Variants in MYH9 observed in about 807,000 individuals in gnomAD.
The protein encoded by MYH9 is myosin-9.
MYH9 carries 29 observed loss-of-function variants against 241.9 expected under a neutral mutation model. That is an observed-to-expected ratio of 0.12 (90% CI 0.09 to 0.16). MYH9 has a LOEUF of 0.16. Among genes scored for constraint, MYH9 ranks in the 10% least tolerant of loss-of-function variants. The probability of loss-of-function intolerance (pLI) is 1.00; values close to 1 mark genes in which losing one functional copy is unlikely to be tolerated. For synonymous variants in MYH9, 1,047 were observed against 1,062.6 expected, an observed-to-expected ratio of 0.99 and a Z score of 0.29; for missense variants, 1,803 against 2,595.5, an observed-to-expected ratio of 0.69 and a Z score of 6.63.
chr22:36,289,282 TCTC>T lies in MYH9; in HGVS notation c.4357_4359del (p.Glu1453del). ...TCTGCATACTTGGCAGAGATGGTCT[TCTC>T]CTCCGCCAGGAGCTGGGAAAGAGGT... On this transcript the variant is annotated inframe_deletion, in exon 32 of 41. Transcript: ENST00000216181. 1 of 1,611,294 alleles carries T rather than the reference TCTC, an allele frequency of 6.2e-7. No homozygotes were observed. Among genetic ancestry groups the T allele is most frequent in the East Asian group, 2.2e-5 (1 of 44,826 alleles).
chr22:36,352,184 C>G (rs534758050), intron 1 of MYH9, among the ~76,000 whole-genome samples: 3 of 152,158 alleles, frequency 2.0e-5, no homozygotes, highest in Non-Finnish European at 4.4e-5. Context: ...ACTGTCCCCA[C>G]GAGCTGAGTG....
chr22:36,293,440 G>A lies in MYH9; in HGVS notation c.3984C>T (p.Ser1328=), dbSNP rs1468484114. Reference sequence around the variant, plus strand: ...CGTCCTCCACCTGCTTGAGCTTGGTGCTCAGGCTCAGCTTCTGCCGGTTCT... The same window carrying A: ...CGTCCTCCACCTGCTTGAGCTTGGTACTCAGGCTCAGCTTCTGCCGGTTCT... ...QEENRQKLSL[S]TKLKQVEDEK... Residue 1328 remains serine (S), a synonymous_variant, in exon 30 of 41, where the codon AGC becomes AGT. Transcript: ENST00000216181. This position sits in a 1 kb window ranked among gnomAD's most constrained non-coding sequence, Gnocchi z 5.1. 1 of 1,613,794 alleles carries A rather than the reference G, an allele frequency of 6.2e-7. No individual in the cohort carries two copies. The highest frequency in any genetic ancestry group is 2.2e-5 in the East Asian group (1 of 44,878).
At chr22:36,361,283 A>G (rs75105346) in intron 1 of MYH9, among the ~76,000 whole-genome samples, 7,240 of 151,220 alleles carry the variant, frequency 0.048, 236 homozygotes, top group East Asian at 0.1. Context: ...AGAAAACCAG[A>G]GAGGAACTTA....
At chr22:36,343,418 T>C (rs1306177117) in intron 2 of MYH9, among the ~76,000 whole-genome samples, 4 of 152,046 alleles carry the variant, frequency 2.6e-5, no homozygotes, top group Non-Finnish European at 4.4e-5. Flanking sequence ...TGTGGTGGCA[T>C]GCACCTGTAG....
At position 36,316,582 on chromosome 22, in the gene MYH9, T is replaced by C; in HGVS notation, c.1315A>G (p.Lys439Glu). The C allele has an allele frequency of 6.2e-7, 1 of 1,614,116 alleles. No individual in the cohort carries two copies. The highest frequency in any genetic ancestry group is 8.5e-7 in the Non-Finnish European group (1 of 1,180,026). Residue 439 changes from lysine to glutamate, a missense_variant, in exon 12 of 41, where the codon AAG becomes GAG. By Grantham distance (56) the Lys-to-Glu change is moderately conservative. This residue lies in a region of MYH9 where 222 missense variants were observed against 359.9 expected (regional missense o/e 0.62). Transcript: ENST00000216181. ...AAGGAGGCGCCCTGCCTCTTGGTCTTGTCCAGAGCCTTGTTGATGCGCAGC... is the reference window on the plus strand; with the variant it reads ...AAGGAGGCGCCCTGCCTCTTGGTCTCGTCCAGAGCCTTGTTGATGCGCAGC... The part of the protein sequence containing the change: ...LVLRINKALD[K>E]TKRQGASFIG...
At chr22:36,302,836 T>C (rs1250082107) in intron 19 of MYH9, among the ~76,000 whole-genome samples, 160 bp from the exon 20 acceptor site, 1 of 152,192 alleles carries the variant, frequency 6.6e-6, no homozygotes, top group African/African-American at 2.4e-5. Context: ...TGAGATAAGT[T>C]TCTCCCACTT....
rs576879237 is a variant in MYH9, at chr22:36,305,554, C to T, written c.2159+376G>A. ...AGAAACAGGAAGGTGTCGCCGTCTT[C>T]GCACACAGCAACGCACGGCCGTGTT... is the stretch of plus-strand genomic sequence containing the variant. On this transcript the variant is annotated intron_variant, in intron 17 of 40. Coordinates refer to ENST00000216181, the MANE Select transcript of MYH9 (RefSeq NM_002473.6). This position sits in a 1 kb window ranked among gnomAD's most constrained non-coding sequence, Gnocchi z 4.7. 1.5e-3 allele frequency among the ~76,000 whole-genome samples: 229 copies of T among 152,308 alleles called. No individual in the cohort carries two copies. Among genetic ancestry groups the T allele is most frequent in the Middle Eastern group, 3.4e-3 (1 of 294 alleles).
chr22:36,360,569 C>T (rs868023963), intron 1 of MYH9, among the ~76,000 whole-genome samples: 2 of 151,726 alleles, frequency 1.3e-5, no homozygotes, highest in South Asian at 2.1e-4. Context: ...AAAAATTAGC[C>T]GGGCATGGTG....
At chr22:36,322,099 G>C (rs369013397) in intron 6 of MYH9, among the ~76,000 whole-genome samples, 17 of 152,254 alleles carry the variant, frequency 1.1e-4, no homozygotes, top group Non-Finnish European at 2.1e-4. Context: ...CAGTTATGTG[G>C]AAGTGTTCCT....
Position 36,285,496 on chromosome 22 carries a change from A to C in MYH9, c.5274+162T>G, listed in dbSNP as rs947815962. Among the ~76,000 whole-genome samples, 2 of 152,234 alleles carry C rather than the reference A, an allele frequency of 1.3e-5. No homozygotes were observed. The highest frequency in any genetic ancestry group is 2.4e-5 in the African/African-American group (1 of 41,472). On this transcript the variant is annotated intron_variant, in intron 37 of 40. Coordinates refer to ENST00000216181, the MANE Select transcript of MYH9 (RefSeq NM_002473.6). The surrounding 1 kb of genome is among the most constrained non-coding windows in gnomAD (Gnocchi z 7.0). ...GAAACTTCTGAACACCCAACACAGA[A>C]GCCAGAGGGGGACCTTTCAGGTCCA...
intron 6 of MYH9, 63 bp from the exon 7 acceptor site, chr22:36,321,884 G>A (rs919539795): frequency 7.0e-7 from 1 of 1,428,858 alleles, no homozygotes; most frequent in Non-Finnish European, 9.9e-7. Flanking sequence ...AGAGAGCACG[G>A]GGGAGACCAC....
rs142274920 is a variant in MYH9, at chr22:36,321,966, C to T, written c.706-145G>A. The T allele has an allele frequency of 1.9e-4, 144 of 759,246 alleles. 1 individual carries two copies. In the African/African-American group the frequency reaches 2.2e-3, roughly 11 times the overall value. The allele number at this position is 759,246 out of a possible 1,614,324, so 47.0% of individuals were successfully genotyped here. A position where few individuals can be genotyped will look rare whatever the true frequency, so the allele number is the denominator to read the frequency against. On this transcript the variant is annotated intron_variant, in intron 6 of 40. Coordinates refer to ENST00000216181, the MANE Select transcript of MYH9 (RefSeq NM_002473.6). ...CCAGAGACGGGACCCATGTACCAGGCCAGGGGCCCCCTACGCCCACACCAC... is the reference window on the plus strand; with the variant it reads ...CCAGAGACGGGACCCATGTACCAGGTCAGGGGCCCCCTACGCCCACACCAC...
intron 1 of MYH9, among the ~76,000 whole-genome samples, chr22:36,368,841 G>T (rs2018049514): frequency 6.6e-6 from 1 of 151,006 alleles, no homozygotes; most frequent in Non-Finnish European, 1.5e-5. Context: ...GGAAGAGCCT[G>T]CGAAGCCTGC....
At chr22:36,377,789 T>TAG (rs1233755718) in intron 1 of MYH9, among the ~76,000 whole-genome samples, 1 of 152,030 alleles carries the variant, frequency 6.6e-6, no homozygotes, top group Non-Finnish European at 1.5e-5. Context: ...GGGCACCTTG[T>TAG]AGTCTCAGCT....
chr22:36,340,552 T>C (rs574592172), intron 3 of MYH9, among the ~76,000 whole-genome samples: 1 of 151,238 alleles, frequency 6.6e-6, no homozygotes, highest in East Asian at 2.0e-4. Context: ...TCCCAGCTAC[T>C]AGGGGGGCTG....
At chr22:36,344,898 G>T (rs1314790484) in intron 2 of MYH9, among the ~76,000 whole-genome samples, 2 of 152,204 alleles carry the variant, frequency 1.3e-5, no homozygotes, top group Non-Finnish European at 2.9e-5. Context: ...AAGTTAAAAA[G>T]GCACCAATAA....
intron 34 of MYH9, among the ~76,000 whole-genome samples, chr22:36,287,626 C>T (rs2016608920): frequency 6.6e-6 from 1 of 152,170 alleles, no homozygotes. Context: ...CCTGTAGTCC[C>T]AGCTGCTGGG....
chr22:36,297,038 T>A (rs371495257), intron 24 of MYH9, 24 bp from the exon 25 acceptor site: 2 of 1,612,490 alleles, frequency 1.2e-6, no homozygotes, highest in South Asian at 1.1e-5. Context: ...GGAGCCCACA[T>A]AGCCCTCAGT....
chr22:36,343,998 A>G (rs1370635808), intron 2 of MYH9, among the ~76,000 whole-genome samples: 1 of 152,252 alleles, frequency 6.6e-6, no homozygotes. Context: ...TGGTGCTGAC[A>G]GCAGAAGGGG....
Sources: gnomAD v4.1 joint callset for allele counts (sites outside exome capture counted in the v4.1 genomes callset) on GRCh38, gnomAD v4.1.1 for gene constraint, gnomAD v4.1.1 regional missense constraint, Gnocchi (gnomAD v3.1) non-coding constraint, MANE v1.5 for transcripts, NCBI Gene and HGNC (gene_info 2026-07-23, HGNC 2026-07-21) for gene names.